Variants in WWOX observed in about 807,000 individuals in gnomAD.
WWOX encodes the protein WW domain containing oxidoreductase.
Under a neutral mutation model 46.2 loss-of-function variants are expected in WWOX, and 69 were observed. The ratio of observed to expected loss-of-function variants is 1.49; its 90% CI spans 1.23 to 1.82. The LOEUF is 1.82. WWOX is among the 40% of genes most tolerant of loss of function. The probability of loss-of-function intolerance (pLI) is 0.00; values close to 1 mark genes in which losing one functional copy is unlikely to be tolerated. For synonymous variants in WWOX, 359 were observed against 202.6 expected, an observed-to-expected ratio of 1.77 and a Z score of -6.56; for missense variants, 919 against 542.6, an observed-to-expected ratio of 1.69 and a Z score of -6.89.
chr16:78,224,360 T>C (rs2036983907), intron 5 of WWOX, among the ~76,000 whole-genome samples: 1 of 151,608 alleles, frequency 6.6e-6, no homozygotes, highest in South Asian at 2.1e-4. Context: ...ATTTCCAATA[T>C]GTAATTCCTG....
At chr16:78,103,238 C>T (rs991557538) in intron 1 of WWOX, among the ~76,000 whole-genome samples, 8 of 128,094 alleles carry the variant, frequency 6.2e-5, no homozygotes, top group East Asian at 2.8e-4. Flanking sequence ...TCTCTGGCTC[C>T]GCTGTTTTTT....
intron 8 of WWOX, among the ~76,000 whole-genome samples, chr16:78,982,836 C>T (rs902168039): frequency 6.6e-6 from 1 of 152,116 alleles, no homozygotes; most frequent in Admixed American, 6.6e-5. Context: ...TTCTGAGCCC[C>T]TCTTTATCCT....
At chr16:79,207,926 C>T (rs2051574091) in intron 8 of WWOX, among the ~76,000 whole-genome samples, 1 of 152,074 alleles carries the variant, frequency 6.6e-6, no homozygotes, top group African/African-American at 2.4e-5. Context: ...TGATGAAAAG[C>T]AGCTACTTAA....
chr16:78,844,458 G>T (rs1034352839), intron 8 of WWOX, among the ~76,000 whole-genome samples: 1 of 152,074 alleles, frequency 6.6e-6, no homozygotes, highest in African/African-American at 2.4e-5. Context: ...TAATAGGGAA[G>T]CCTTCTCTAT....
chr16:78,886,511 C>T (rs970508776), intron 8 of WWOX, among the ~76,000 whole-genome samples: 7 of 151,698 alleles, frequency 4.6e-5, no homozygotes, highest in Admixed American at 2.6e-4. Flanking sequence ...ATCTGATCTT[C>T]AGAGAAGTTT....
chr16:78,733,823 T>C (rs868632823), intron 8 of WWOX, among the ~76,000 whole-genome samples: 1 of 152,016 alleles, frequency 6.6e-6, no homozygotes, highest in African/African-American at 2.4e-5. Context: ...CCCAGCACTT[T>C]GGGAGTCCAA....
intron 8 of WWOX, among the ~76,000 whole-genome samples, chr16:79,185,961 T>C (rs948098362): frequency 6.6e-6 from 1 of 151,540 alleles, no homozygotes; most frequent in Non-Finnish European, 1.5e-5. Flanking sequence ...TGTGTGTGTG[T>C]GCATGCGTGT....
At chr16:78,438,692 A>C (rs1445912557) in intron 8 of WWOX, among the ~76,000 whole-genome samples, 1 of 152,160 alleles carries the variant, frequency 6.6e-6, no homozygotes, top group Non-Finnish European at 1.5e-5. Flanking sequence ...TGCATTTTCA[A>C]ATCATTTTAC....
At chr16:78,116,125 A>G (rs78103912) in intron 4 of WWOX, among the ~76,000 whole-genome samples, 1 of 152,232 alleles carries the variant, frequency 6.6e-6, no homozygotes, top group Admixed American at 6.5e-5. Flanking sequence ...CATCCCCTCA[A>G]GAATTTATCC....
chr16:78,584,186 T>C (rs1435031472), intron 8 of WWOX, among the ~76,000 whole-genome samples: 4 of 152,222 alleles, frequency 2.6e-5, no homozygotes, highest in African/African-American at 7.2e-5. Context: ...ACACAAGGCC[T>C]GGCATAATCA....
At chr16:79,047,672 A>ATTTTTTTTTTTTT (rs71140858) in intron 8 of WWOX, among the ~76,000 whole-genome samples, 2 of 53,522 alleles carry the variant, frequency 3.7e-5, no homozygotes, top group African/African-American at 7.7e-5. Context: ...GACTGTCCTG[A>ATTTTTTTTTTTTT]TTTTTTTTTT....
chr16:79,038,240 G>A (rs988372), intron 8 of WWOX, among the ~76,000 whole-genome samples: 1 of 151,964 alleles, frequency 6.6e-6, no homozygotes, highest in Non-Finnish European at 1.5e-5. Context: ...CATGCACGTG[G>A]TTATTCCCAG....
chr16:78,513,815 T>G (rs1439560117), intron 8 of WWOX, among the ~76,000 whole-genome samples: 1 of 152,158 alleles, frequency 6.6e-6, no homozygotes, highest in Non-Finnish European at 1.5e-5. Context: ...CCTGCATACT[T>G]TACACGTCTT....
At chr16:78,624,119 T>A (rs2046255264) in intron 8 of WWOX, among the ~76,000 whole-genome samples, 1 of 152,238 alleles carries the variant, frequency 6.6e-6, no homozygotes, top group Admixed American at 6.5e-5. Flanking sequence ...TTTCCATTTG[T>A]TTGCACAACA....
chr16:78,575,755 C>G (rs939426254), intron 8 of WWOX, among the ~76,000 whole-genome samples: 2 of 152,250 alleles, frequency 1.3e-5, no homozygotes, highest in East Asian at 3.9e-4. Flanking sequence ...TAAATCACAA[C>G]TCTATTTACT....
chr16:78,931,373 G>A (rs2045621048), intron 8 of WWOX, among the ~76,000 whole-genome samples: 1 of 152,190 alleles, frequency 6.6e-6, no homozygotes, highest in African/African-American at 2.4e-5. Flanking sequence ...CCCTGCTAAG[G>A]AAATGAACAG....
chr16:78,875,016 C>G (rs1000966817), intron 8 of WWOX, among the ~76,000 whole-genome samples: 1 of 152,138 alleles, frequency 6.6e-6, no homozygotes, highest in Non-Finnish European at 1.5e-5. Context: ...AGGAATCTTT[C>G]AATATCCTAT....
intron 4 of WWOX, among the ~76,000 whole-genome samples, chr16:78,132,690 A>C (rs1414322297): frequency 6.6e-6 from 1 of 152,100 alleles, no homozygotes; most frequent in East Asian, 1.9e-4. Context: ...TTTCTTTTAC[A>C]GTTCTGGCTG....
At chr16:78,179,988 A>G (rs16947239) in intron 5 of WWOX, among the ~76,000 whole-genome samples, 38,983 of 152,042 alleles carry the variant, frequency 0.26, 5,604 homozygotes, top group African/African-American at 0.39. Flanking sequence ...TCGGCTGGTT[A>G]GTTTTTGGAA....
Sources: gnomAD v4.1 joint callset for allele counts (sites outside exome capture counted in the v4.1 genomes callset) on GRCh38, gnomAD v4.1.1 for gene constraint, MANE v1.5 for transcripts, NCBI Gene and HGNC (gene_info 2026-07-23, HGNC 2026-07-21) for gene names.